TLE4: variants seen among roughly 807,000 people sequenced by gnomAD.
TLE4 encodes the protein transducin-like enhancer protein 4.
TLE4 carries 8 observed loss-of-function variants against 92.8 expected under a neutral mutation model. That is an observed-to-expected ratio of 0.09 (90% CI 0.05 to 0.16). The LOEUF (loss-of-function observed/expected upper bound fraction) is 0.16. Among genes scored for constraint, TLE4 ranks in the 10% least tolerant of loss-of-function variants. The pLI is 1.00. For missense variants in TLE4, 675 were observed against 997.6 expected (o/e 0.68, Z 4.36); for synonymous variants, 371 against 374.1 (o/e 0.99, Z 0.10).
intron 8 of TLE4, among the ~76,000 whole-genome samples, chr9:79,659,768 C>A (rs557536829): frequency 2.6e-5 from 4 of 151,844 alleles, no homozygotes; most frequent in African/African-American, 4.8e-5. Context: ...AGGGATACCA[C>A]CTAATAAGGA....
At chr9:79,645,593 G>C (rs1278825725) in intron 6 of TLE4, among the ~76,000 whole-genome samples, 1 of 152,180 alleles carries the variant, frequency 6.6e-6, no homozygotes, top group Non-Finnish European at 1.5e-5. Flanking sequence ...GTCCTTTTCT[G>C]CCCTTTGTGC....
At chr9:79,579,334 T>C (rs2038957604) in intron 4 of TLE4, among the ~76,000 whole-genome samples, 1 of 152,230 alleles carries the variant, frequency 6.6e-6, no homozygotes, top group Admixed American at 6.5e-5. Context: ...CTTTCACCTG[T>C]AATGCTGTCA....
intron 8 of TLE4, among the ~76,000 whole-genome samples, chr9:79,678,149 G>A (rs1359256616): frequency 6.6e-6 from 1 of 152,028 alleles, no homozygotes; most frequent in Non-Finnish European, 1.5e-5. Context: ...ATCATGCATA[G>A]CCTCATCAAG....
At chr9:79,594,520 T>C (rs78100232) in intron 4 of TLE4, among the ~76,000 whole-genome samples, 1 of 152,138 alleles carries the variant, frequency 6.6e-6, no homozygotes, top group Non-Finnish European at 1.5e-5. Flanking sequence ...TGTATTTTTT[T>C]TTTTGGGAGA....
chr9:79,620,959 G>A (rs565058767), intron 5 of TLE4, among the ~76,000 whole-genome samples: 2 of 152,184 alleles, frequency 1.3e-5, no homozygotes, highest in Admixed American at 6.5e-5. Context: ...TCTCTGTTGC[G>A]AAGACAACAT....
At chr9:79,641,377 A>G (rs147724664) in intron 6 of TLE4, among the ~76,000 whole-genome samples, 52 of 152,304 alleles carry the variant, frequency 3.4e-4, no homozygotes, top group African/African-American at 1.2e-3. Flanking sequence ...CTAAAAGTTC[A>G]GCTTAAAAAA....
At chr9:79,658,374 T>C (rs2060057929) in intron 8 of TLE4, among the ~76,000 whole-genome samples, 1 of 152,214 alleles carries the variant, frequency 6.6e-6, no homozygotes, top group Admixed American at 6.5e-5. Flanking sequence ...CACTGTTTTT[T>C]TCCTGTGCAA....
intron 8 of TLE4, among the ~76,000 whole-genome samples, chr9:79,694,528 ATC>A (rs555606211): frequency 1.4e-3 from 208 of 152,244 alleles, no homozygotes; most frequent in African/African-American, 4.8e-3. Flanking sequence ...CTGAAATTGT[ATC>A]TCTTAAGTAT....
intron 13 of TLE4, among the ~76,000 whole-genome samples, chr9:79,709,242 G>A: frequency 6.6e-6 from 1 of 152,142 alleles, no homozygotes; most frequent in East Asian, 1.9e-4. Context: ...TCTTTTGTAA[G>A]GTGAAGAAGT....
intron 8 of TLE4, among the ~76,000 whole-genome samples, chr9:79,660,396 C>G (rs2060358160): frequency 6.6e-6 from 1 of 152,154 alleles, no homozygotes; most frequent in Admixed American, 6.5e-5. Flanking sequence ...CAAGTAAACA[C>G]AGTGGTTAGA....
chr9:79,576,284 G>C, intron 4 of TLE4, 107 bp downstream of exon 4: 1 of 727,846 alleles, frequency 1.4e-6, no homozygotes, highest in Non-Finnish European at 2.2e-6. Context: ...GTGGCTACCT[G>C]TATTTAAAAG....
chr9:79,711,071 A>G (rs918594190), intron 14 of TLE4, among the ~76,000 whole-genome samples: 1 of 152,164 alleles, frequency 6.6e-6, no homozygotes, highest in Admixed American at 6.5e-5. Flanking sequence ...TGCCTAACCT[A>G]GACCCTTTCT....
At chr9:79,601,451 T>C (rs535215777) in intron 4 of TLE4, 1 of 455,816 alleles carries the variant, frequency 2.2e-6, no homozygotes, top group African/African-American at 2.0e-5. Flanking sequence ...GTAGCAACCC[T>C]GAATGGAGCT....
At chr9:79,644,258 T>C (rs2057710909) in intron 6 of TLE4, among the ~76,000 whole-genome samples, 1 of 152,120 alleles carries the variant, frequency 6.6e-6, no homozygotes, top group Non-Finnish European at 1.5e-5. Context: ...AAGGGCATGT[T>C]TGCTTCCCCT....
intron 6 of TLE4, among the ~76,000 whole-genome samples, chr9:79,638,971 C>T (rs1026403749): frequency 7.9e-5 from 12 of 152,104 alleles, no homozygotes; most frequent in Non-Finnish European, 1.3e-4. Context: ...TGCAGGCTTC[C>T]TTACAGAAGA....
At chr9:79,644,445 C>T (rs1251733932) in intron 6 of TLE4, among the ~76,000 whole-genome samples, 1 of 152,174 alleles carries the variant, frequency 6.6e-6, no homozygotes, top group African/African-American at 2.4e-5. Flanking sequence ...ATTCTTCCAG[C>T]AACCTTGGGA....
At chr9:79,613,493 G>A (rs1320843323) in intron 5 of TLE4, among the ~76,000 whole-genome samples, 1 of 152,026 alleles carries the variant, frequency 6.6e-6, no homozygotes, top group African/African-American at 2.4e-5. Context: ...TGAGAATACT[G>A]GAAAAAGATA....
chr9:79,576,467 T>G (rs1587594950), intron 4 of TLE4: 1 of 219,736 alleles, frequency 4.6e-6, no homozygotes, highest in South Asian at 1.8e-4. Context: ...GTTATTCTTC[T>G]GAAAGAGTTG....
intron 6 of TLE4, among the ~76,000 whole-genome samples, chr9:79,640,615 C>G (rs1027359745): frequency 2.0e-5 from 3 of 152,038 alleles, no homozygotes; most frequent in Non-Finnish European, 4.4e-5. Flanking sequence ...CTTAGTCTCA[C>G]TCTGCCGTCT....
Sources: gnomAD v4.1 joint callset for allele counts (sites outside exome capture counted in the v4.1 genomes callset) on GRCh38, gnomAD v4.1.1 for gene constraint, MANE v1.5 for transcripts, NCBI Gene and HGNC (gene_info 2026-07-23, HGNC 2026-07-21) for gene names.